The following FOLH1 variants were observed in gnomAD, a reference collection of about 807,000 sequenced individuals.
FOLH1 encodes the protein folate hydrolase 1.
A neutral mutation model predicts 93.9 loss-of-function variants in FOLH1; 54 were observed. The ratio of observed to expected loss-of-function variants is 0.57; its 90% confidence interval spans 0.46 to 0.72. The LOEUF is 0.72. FOLH1 is among the 30% of genes least tolerant of loss of function. The pLI is 0.00. For synonymous variants in FOLH1, 249 were observed against 303.6 expected, an observed-to-expected ratio of 0.82 and a Z score of 1.87; for missense variants, 571 against 892.5, an observed-to-expected ratio of 0.64 and a Z score of 4.59.
chr11:49,160,901 T>G (rs1857626766), intron 13 of FOLH1, among the ~76,000 whole-genome samples: 1 of 152,228 alleles, frequency 6.6e-6, no homozygotes, highest in Admixed American at 6.5e-5. Context: ...TACCCACAAG[T>G]CATTCAGGAG....
intron 12 of FOLH1, among the ~76,000 whole-genome samples, chr11:49,168,058 TTG>T (rs1344871191): frequency 2.5e-4 from 38 of 150,068 alleles, no homozygotes; most frequent in African/African-American, 9.1e-4. Context: ...TTTTTTTTTT[TTG>T]CAACCATACC....
At chr11:49,147,535 A>C (rs1855908556) in intron 18 of FOLH1, among the ~76,000 whole-genome samples, 2 of 152,098 alleles carry the variant, frequency 1.3e-5, no homozygotes, top group African/African-American at 4.8e-5. Flanking sequence ...CAATTTTGTA[A>C]TGTTCCATGT....
chr11:49,180,525 C>T lies in FOLH1; in HGVS notation c.920+2624G>A, dbSNP rs550492767. On this transcript the variant is annotated intron_variant, in intron 7 of 18. Transcript: ENST00000256999. Reference sequence around the variant, plus strand: ...GCCATTATATGACTTTATATCTCTCCTCATTTACTCACACATTTATTAATA... The same window carrying T: ...GCCATTATATGACTTTATATCTCTCTTCATTTACTCACACATTTATTAATA... Among the ~76,000 whole-genome samples, 2 of 152,278 alleles carry T rather than the reference C, an allele frequency of 1.3e-5. 1 individual carries two copies. The highest frequency in any genetic ancestry group is 4.1e-4 in the South Asian group (2 of 4,824).
At chr11:49,175,709 T>A (rs528748494) in intron 8 of FOLH1, 150 bp downstream of exon 8, 4 of 645,444 alleles carry the variant, frequency 6.2e-6, no homozygotes, top group Non-Finnish European at 1.0e-5. Context: ...AGATTTCTAA[T>A]TGTTCACAGG....
At chr11:49,196,223 C>G (rs1334110984) in intron 3 of FOLH1, among the ~76,000 whole-genome samples, 4 of 152,002 alleles carry the variant, frequency 2.6e-5, no homozygotes, top group Non-Finnish European at 5.9e-5. Context: ...AAAAATTGTT[C>G]TATGACATAA....
intron 15 of FOLH1, among the ~76,000 whole-genome samples, chr11:49,155,835 T>TATATATATATATATATAA (rs1193032047): frequency 2.5e-5 from 3 of 121,834 alleles, no homozygotes; most frequent in Admixed American, 8.1e-5. Flanking sequence ...TATATATATA[T>TATATATATATATATATAA]AATCAACAAC....
chr11:49,198,407 G>A lies in FOLH1; in HGVS notation c.411+1848C>T, dbSNP rs59572726. 5.4e-3 allele frequency among the ~76,000 whole-genome samples: 822 copies of A among 151,670 alleles called. 9 individuals carry two copies. Among genetic ancestry groups the A allele is most frequent in the Middle Eastern group, 0.027 (8 of 294 alleles). ...TGAGACAGGAGAATGGTGTGAACCCGGGAGGCGGAGCTTGCAGTGAGCGGA... is the reference window on the plus strand; with the variant it reads ...TGAGACAGGAGAATGGTGTGAACCCAGGAGGCGGAGCTTGCAGTGAGCGGA... On this transcript the variant is annotated intron_variant, in intron 3 of 18. Coordinates refer to ENST00000256999, the MANE Select transcript of FOLH1 (RefSeq NM_004476.3).
At chr11:49,147,756 G>A (rs1467256049) in intron 18 of FOLH1, among the ~76,000 whole-genome samples, 3 of 152,038 alleles carry the variant, frequency 2.0e-5, no homozygotes, top group Non-Finnish European at 2.9e-5. Flanking sequence ...ACACCCTGTC[G>A]CTACAAATGA....
At chr11:49,204,104 G>A (rs754617966) in intron 2 of FOLH1, among the ~76,000 whole-genome samples, 1 of 152,138 alleles carries the variant, frequency 6.6e-6, no homozygotes, top group Non-Finnish European at 1.5e-5. Context: ...AACACATTGC[G>A]GGTGCTCTTT....
At chr11:49,163,741 T>C (rs1187468926) in intron 13 of FOLH1, among the ~76,000 whole-genome samples, 3 of 151,988 alleles carry the variant, frequency 2.0e-5, no homozygotes, top group Admixed American at 2.0e-4. Flanking sequence ...AGCTGGTGTA[T>C]CTAAAGCTCC....
intron 2 of FOLH1, among the ~76,000 whole-genome samples, chr11:49,200,848 A>G (rs1459947292): frequency 6.6e-6 from 1 of 152,158 alleles, no homozygotes; most frequent in Non-Finnish European, 1.5e-5. Context: ...ATTACTAATA[A>G]TTACATTTAT....
intron 4 of FOLH1, among the ~76,000 whole-genome samples, chr11:49,188,543 T>C (rs1438887499): frequency 1.3e-5 from 2 of 151,230 alleles, no homozygotes; most frequent in Non-Finnish European, 2.9e-5. Context: ...GATTAAGTTA[T>C]AATTATAATT....
intron 17 of FOLH1, among the ~76,000 whole-genome samples, chr11:49,151,414 GCACA>G (rs556418726): frequency 2.1e-5 from 3 of 146,308 alleles, no homozygotes; most frequent in Non-Finnish European, 3.0e-5. Flanking sequence ...GCGCGTGCGT[GCACA>G]CACACACACA....
intron 7 of FOLH1, among the ~76,000 whole-genome samples, chr11:49,177,905 G>A (rs1248245256): frequency 6.6e-6 from 1 of 151,546 alleles, no homozygotes; most frequent in Non-Finnish European, 1.5e-5. Flanking sequence ...AGAGATTGCG[G>A]TGAAGCGAGA....
intron 7 of FOLH1, among the ~76,000 whole-genome samples, chr11:49,177,178 G>A (rs1860156423): frequency 6.6e-6 from 1 of 152,126 alleles, no homozygotes; most frequent in African/African-American, 2.4e-5. Context: ...TTAACATCTC[G>A]TTTTAAAATG....
At chr11:49,175,174 T>C (rs1268042493) in intron 8 of FOLH1, among the ~76,000 whole-genome samples, 197 bp from the exon 9 acceptor site, 1 of 152,010 alleles carries the variant, frequency 6.6e-6, no homozygotes, top group Non-Finnish European at 1.5e-5. Context: ...AATATGAGAC[T>C]CAAACAAAGG....
At chr11:49,199,418 A>G (rs1190920486) in intron 3 of FOLH1, among the ~76,000 whole-genome samples, 2 of 152,184 alleles carry the variant, frequency 1.3e-5, no homozygotes, top group African/African-American at 2.4e-5. Context: ...TTTAAATACC[A>G]TGCTAAAATA....
intron 2 of FOLH1, among the ~76,000 whole-genome samples, chr11:49,203,983 C>T (rs1863564908): frequency 6.6e-6 from 1 of 152,196 alleles, no homozygotes; most frequent in East Asian, 1.9e-4. Flanking sequence ...CAGGGAGAAG[C>T]AACTTCCTGG....
At position 49,208,444 on chromosome 11, in the gene FOLH1, C is replaced by T; in HGVS notation, c.-35G>A. 1.3e-6 allele frequency: 2 copies of T among 1,485,980 alleles called. No individual in the cohort carries two copies. Among genetic ancestry groups the T allele is most frequent in the Non-Finnish European group, 1.8e-6 (2 of 1,083,792 alleles). The allele number at this position is 1,485,980 out of a possible 1,614,324, so 92.0% of individuals were successfully genotyped here. A position where few individuals can be genotyped will look rare whatever the true frequency, so the allele number is the denominator to read the frequency against. On this transcript the variant is annotated 5_prime_UTR_variant, in exon 1 of 19. Coordinates refer to ENST00000256999, the MANE Select transcript of FOLH1 (RefSeq NM_004476.3). Reference sequence around the variant, plus strand: ...AGCAGAGCCGGCCTCCCGGGACCCGCGCCTGTGCTGCTGCTCTACTGCGCG... The same window carrying T: ...AGCAGAGCCGGCCTCCCGGGACCCGTGCCTGTGCTGCTGCTCTACTGCGCG...
Sources: allele counts gnomAD v4.1 joint callset (sites outside exome capture counted in the v4.1 genomes callset), GRCh38; gene constraint gnomAD v4.1.1; transcripts MANE v1.5; gene names NCBI Gene and HGNC (gene_info 2026-07-23, HGNC 2026-07-21).